The following TNS3 variants were observed in gnomAD, a reference collection of about 807,000 sequenced individuals.
The protein encoded by TNS3 is tensin-3.
TNS3 carries 45 observed loss-of-function variants against 140.9 expected under a neutral mutation model. The ratio of observed to expected loss-of-function variants is 0.32; its 90% CI spans 0.25 to 0.41. The LOEUF (loss-of-function observed/expected upper bound fraction) is 0.41. TNS3 is among the 10% of genes least tolerant of loss of function. The pLI is 1.00. For missense variants in TNS3, 1,716 were observed against 1,906.7 expected (o/e 0.90, Z 1.86); for synonymous variants, 815 against 788.4 (o/e 1.03, Z -0.56).
At chr7:47,526,616 C>T (rs1194725070) in intron 2 of TNS3, among the ~76,000 whole-genome samples, 2 of 152,212 alleles carry the variant, frequency 1.3e-5, no homozygotes, top group Non-Finnish European at 1.5e-5. Context: ...AGACCTGTCC[C>T]CACATAGCAT....
At chr7:47,527,386 CAG>C (rs1289246352) in intron 2 of TNS3, among the ~76,000 whole-genome samples, 1 of 152,204 alleles carries the variant, frequency 6.6e-6, no homozygotes, top group East Asian at 1.9e-4. Flanking sequence ...ATGTGGGACA[CAG>C]AGGGGCTGCT....
chr7:47,527,919 A>G (rs1788389118), intron 2 of TNS3, among the ~76,000 whole-genome samples: 1 of 152,116 alleles, frequency 6.6e-6, no homozygotes, highest in Admixed American at 6.6e-5. Flanking sequence ...AAAAAAAAAA[A>G]AAAAGTTTTG....
chr7:47,550,208 A>T (rs1469122299), intron 1 of TNS3, among the ~76,000 whole-genome samples: 1 of 152,146 alleles, frequency 6.6e-6, no homozygotes, highest in Non-Finnish European at 1.5e-5. Context: ...CAAGGCCCAG[A>T]CGCGAGAAGG....
chr7:47,499,189 G>A (rs1412670468), intron 3 of TNS3, among the ~76,000 whole-genome samples: 1 of 152,246 alleles, frequency 6.6e-6, no homozygotes, highest in Non-Finnish European at 1.5e-5. Flanking sequence ...GATTCACACA[G>A]TGGGGCCACT....
intron 1 of TNS3, among the ~76,000 whole-genome samples, chr7:47,568,300 C>A (rs902724211): frequency 3.3e-5 from 5 of 152,160 alleles, no homozygotes; most frequent in African/African-American, 7.2e-5. Flanking sequence ...CGAGATGCAG[C>A]TGGAAGAACT....
At position 47,297,116 on chromosome 7, in the gene TNS3, C is replaced by G; in HGVS notation, c.3642G>C (p.Thr1214=). The G allele has an allele frequency of 6.2e-7, 1 of 1,614,046 alleles. No individual in the cohort carries two copies. The highest frequency in any genetic ancestry group is 8.5e-7 in the Non-Finnish European group (1 of 1,180,018). ...TCAGCTGCAGGACTGAAGGTGGGGG[C>G]GTGGCCACCTTCATGGCCAGGCCAT... ...GAYGLAMKVA[T]PPPSVLQLNK... Residue 1214 remains threonine, a synonymous_variant, in exon 24 of 31, where the codon ACG becomes ACC. Transcript: ENST00000311160.
At chr7:47,515,444 T>C (rs1391600877) in intron 2 of TNS3, among the ~76,000 whole-genome samples, 1 of 152,082 alleles carries the variant, frequency 6.6e-6, no homozygotes, top group Admixed American at 6.6e-5. Flanking sequence ...CTATCATTGC[T>C]GTCATCAACA....
chr7:47,416,502 T>G (rs1304400208), intron 10 of TNS3, among the ~76,000 whole-genome samples: 1 of 151,876 alleles, frequency 6.6e-6, no homozygotes. Context: ...TCAGTTACAA[T>G]TCGTAGTGAG....
At chr7:47,367,179 C>T (rs746566131) in intron 17 of TNS3, among the ~76,000 whole-genome samples, 10 of 152,208 alleles carry the variant, frequency 6.6e-5, no homozygotes, top group South Asian at 2.1e-4. Context: ...CAGGCACAGC[C>T]GCTACAGCCT....
rs189062428 is a variant in TNS3 at position 47,432,223 on chromosome 7, A to G, written c.324+3059T>C. ...TTGGGTCATGAGGAACCTTGCCTTC[A>G]TGAATGGGTTAATACATCTGTGGAT... On this transcript the variant is annotated intron_variant, in intron 8 of 30. Coordinates refer to ENST00000311160, the MANE Select transcript of TNS3 (RefSeq NM_022748.12). 2.3e-3 allele frequency among the ~76,000 whole-genome samples: 351 copies of G among 152,364 alleles called. 1 individual carries two copies. Among genetic ancestry groups the G allele is most frequent in the Non-Finnish European group, 3.4e-3 (234 of 68,046 alleles).
At chr7:47,428,233 T>A in intron 9 of TNS3, 79 bp downstream of exon 9, 2 of 1,082,188 alleles carry the variant, frequency 1.8e-6, no homozygotes, top group Non-Finnish European at 2.5e-6. Flanking sequence ...CCAGAACAGC[T>A]CCCGCGCAGA....
intron 1 of TNS3, among the ~76,000 whole-genome samples, chr7:47,571,600 A>G (rs918890334): frequency 2.6e-5 from 4 of 152,266 alleles, no homozygotes; most frequent in African/African-American, 9.6e-5. Context: ...AGGGGACTCC[A>G]GACAATAGCG....
intron 10 of TNS3, among the ~76,000 whole-genome samples, chr7:47,421,011 G>C (rs916623361): frequency 6.6e-6 from 1 of 152,068 alleles, no homozygotes; most frequent in Non-Finnish European, 1.5e-5. Context: ...CATGACTGAT[G>C]GTCTTAGGTG....
chr7:47,406,138 T>A (rs756996864), intron 13 of TNS3, among the ~76,000 whole-genome samples: 6 of 152,130 alleles, frequency 3.9e-5, no homozygotes, highest in Non-Finnish European at 5.9e-5. Context: ...TTACTAAACC[T>A]CTTGAGGTTC....
intron 20 of TNS3, among the ~76,000 whole-genome samples, chr7:47,342,192 C>T (rs1789060275): frequency 6.6e-6 from 1 of 152,200 alleles, no homozygotes; most frequent in African/African-American, 2.4e-5. Flanking sequence ...GCCTATTTCT[C>T]CCCATCTTTC....
chr7:47,560,073 G>A (rs1800292632), intron 1 of TNS3, among the ~76,000 whole-genome samples: 1 of 152,122 alleles, frequency 6.6e-6, no homozygotes, highest in South Asian at 2.1e-4. Flanking sequence ...CTCAAACTGG[G>A]CTTTTCTGCA....
chr7:47,382,374 C>T lies in TNS3; in HGVS notation c.1025-12753G>A, dbSNP rs142630234. On this transcript the variant is annotated intron_variant, in intron 16 of 30. Coordinates refer to ENST00000311160, the MANE Select transcript of TNS3 (RefSeq NM_022748.12). Reference sequence around the variant, plus strand: ...CCCACTGGTCTTCAGATCTTGTTTACGTAGCTGGCAGCCACTGAGCAGGCA... The same window carrying T: ...CCCACTGGTCTTCAGATCTTGTTTATGTAGCTGGCAGCCACTGAGCAGGCA... Among the ~76,000 whole-genome samples, 834 of 152,294 alleles carry T rather than the reference C, an allele frequency of 5.5e-3. 9 individuals carry two copies. Among genetic ancestry groups the T allele is most frequent in the African/African-American group, 0.019 (784 of 41,554 alleles).
chr7:47,390,602 G>A (rs533925016), intron 16 of TNS3, among the ~76,000 whole-genome samples: 5 of 152,286 alleles, frequency 3.3e-5, no homozygotes, highest in South Asian at 4.1e-4. Context: ...GCAATGCCAC[G>A]GCCCTCGTCC....
chr7:47,492,078 C>A (rs1227294149), intron 3 of TNS3, among the ~76,000 whole-genome samples: 1 of 152,218 alleles, frequency 6.6e-6, no homozygotes, highest in Non-Finnish European at 1.5e-5. Flanking sequence ...CTGTAGGGGC[C>A]TACTGAGTGG....
Sources: allele counts gnomAD v4.1 joint callset (sites outside exome capture counted in the v4.1 genomes callset), GRCh38; gene constraint gnomAD v4.1.1; transcripts MANE v1.5; gene names NCBI Gene and HGNC (gene_info 2026-07-23, HGNC 2026-07-21).